DAB1: variants seen among roughly 807,000 people sequenced by gnomAD.
DAB1 encodes the protein DAB adaptor protein 1, also known as disabled homolog 1.
Under a neutral mutation model 64.6 loss-of-function variants are expected in DAB1, and 15 were observed. The observed-to-expected ratio is 0.23, with a 90% CI of 0.16 to 0.36. DAB1 has a LOEUF of 0.36. Ranked by LOEUF, DAB1 falls within the 10% of genes least tolerant of loss-of-function variation. DAB1 has a pLI of 1.00. For missense variants in DAB1, 596 were observed against 706.7 expected, an observed-to-expected ratio of 0.84 and a Z score of 1.78; for synonymous variants, 235 against 251.9, an observed-to-expected ratio of 0.93 and a Z score of 0.64.
chr1:57,982,021 C>T (rs888332039), intron 5 of DAB1, among the ~76,000 whole-genome samples: 4 of 152,190 alleles, frequency 2.6e-5, no homozygotes, highest in African/African-American at 9.7e-5. Context: ...TGGCAACAGA[C>T]TCTCAGTGAC....
At chr1:58,161,460 A>T (rs918120638) in intron 4 of DAB1, among the ~76,000 whole-genome samples, 1 of 152,204 alleles carries the variant, frequency 6.6e-6, no homozygotes, top group Non-Finnish European at 1.5e-5. Context: ...GGAAGAACAA[A>T]GTGTTTTACA....
chr1:57,562,623 T>A (rs868819803), intron 7 of DAB1, among the ~76,000 whole-genome samples: 8 of 152,300 alleles, frequency 5.3e-5, no homozygotes, highest in African/African-American at 1.7e-4. Flanking sequence ...ACAGCCAGGA[T>A]TCATGCGTCC....
rs186356070 is a variant in DAB1 at position 57,211,274 on chromosome 1, T to C, written c.68-65845A>G. ...GAGGAAACAGCTGTAGCCTCCCAAG[T>C]ACTAAACTGCTGCGGTCTGGTGGGA... On this transcript the variant is annotated intron_variant, in intron 2 of 14. Coordinates refer to ENST00000371236, the MANE Select transcript of DAB1 (RefSeq NM_001365792.1). Among the ~76,000 whole-genome samples, 46 of 152,302 alleles carry C rather than the reference T, an allele frequency of 3.0e-4. 1 individual carries two copies. The highest frequency in any genetic ancestry group is 9.4e-4 in the African/African-American group (39 of 41,574).
At chr1:58,018,921 G>C (rs925181377) in intron 5 of DAB1, among the ~76,000 whole-genome samples, 4 of 152,172 alleles carry the variant, frequency 2.6e-5, no homozygotes, top group Non-Finnish European at 5.9e-5. Context: ...GGAGCATTAA[G>C]GTGACATTTG....
rs566013762 is a variant in DAB1 at position 57,807,096 on chromosome 1, C to T, written n.551+76903G>A. ...TGCTCCCCAGACTATAGCACTAGCT[C>T]CTAACTGGCCTTTCTGCAACTGGCT... On this transcript the variant is annotated intron_variant and non_coding_transcript_variant, in intron 6 of 20. Coordinates refer to the DAB1 transcript ENST00000485760. Among the ~76,000 whole-genome samples the T allele has an allele frequency of 7.2e-5, 11 of 152,290 alleles. No individual in the cohort carries two copies. The South Asian group carries it at 2.3e-3, about 32-fold the overall frequency.
upstream of DAB1, among the ~76,000 whole-genome samples, chr1:57,425,518 T>G (rs1233271080): frequency 6.6e-6 from 1 of 152,152 alleles, no homozygotes; most frequent in African/African-American, 2.4e-5. Context: ...CAAGAGACCC[T>G]CCCTTTCTCC....
intron 5 of DAB1, among the ~76,000 whole-genome samples, chr1:57,911,501 A>G (rs1486831154): frequency 6.6e-6 from 1 of 151,920 alleles, no homozygotes; most frequent in East Asian, 1.9e-4. Context: ...CTCTTTGTTG[A>G]TCTCAGGCCT....
intron 6 of DAB1, among the ~76,000 whole-genome samples, chr1:57,764,234 C>T (rs770585410): frequency 3.3e-5 from 5 of 152,024 alleles, no homozygotes; most frequent in Non-Finnish European, 7.4e-5. Context: ...GTCTTAGCTG[C>T]CATTTGGTTG....
chr1:57,664,535 T>C (rs776272408), intron 6 of DAB1, among the ~76,000 whole-genome samples: 7 of 152,144 alleles, frequency 4.6e-5, no homozygotes, highest in Non-Finnish European at 8.8e-5. Context: ...ACTTAAGAAA[T>C]AGGTTTGAAG....
At chr1:58,375,296 A>G (rs912391016) in intron 3 of DAB1, among the ~76,000 whole-genome samples, 4 of 144,302 alleles carry the variant, frequency 2.8e-5, no homozygotes, top group Non-Finnish European at 4.5e-5. Context: ...TTGCCCATTC[A>G]GTATGATATT....
chr1:58,208,260 T>C (rs1201190512), intron 4 of DAB1, among the ~76,000 whole-genome samples: 1 of 152,186 alleles, frequency 6.6e-6, no homozygotes, highest in East Asian at 1.9e-4. Context: ...GGCTACATTT[T>C]AGAGTTAAAA....
At chr1:57,145,578 C>T in intron 2 of DAB1, 149 bp from the exon 3 acceptor site, 1 of 730,216 alleles carries the variant, frequency 1.4e-6, no homozygotes, top group Non-Finnish European at 2.2e-6. Context: ...AGCAGTATTC[C>T]TAAATGTAAA....
intron 7 of DAB1, among the ~76,000 whole-genome samples, chr1:57,567,716 A>C (rs1645140861): frequency 1.3e-5 from 2 of 152,152 alleles, no homozygotes; most frequent in South Asian, 4.1e-4. Flanking sequence ...ATCCAACTTA[A>C]AAAGGATGTG....
intron 5 of DAB1, among the ~76,000 whole-genome samples, chr1:58,039,808 G>A (rs1164755031): frequency 2.0e-5 from 3 of 151,974 alleles, no homozygotes; most frequent in African/African-American, 7.3e-5. Context: ...GATAATAAAA[G>A]TACCCATCTT....
intron 1 of DAB1, chr1:58,534,129 T>C (rs771784144): frequency 2.3e-6 from 2 of 867,168 alleles, no homozygotes; most frequent in South Asian, 1.3e-5. Context: ...AATTTAACAA[T>C]TACAATGCGT....
intron 7 of DAB1, among the ~76,000 whole-genome samples, chr1:57,505,822 C>T (rs1428055941): frequency 6.6e-6 from 1 of 152,078 alleles, no homozygotes; most frequent in African/African-American, 2.4e-5. Flanking sequence ...AGGTGCATGC[C>T]ACCACACCTG....
chr1:57,984,768 C>T (rs1017886598), intron 5 of DAB1, among the ~76,000 whole-genome samples: 1 of 152,194 alleles, frequency 6.6e-6, no homozygotes, highest in Admixed American at 6.5e-5. Context: ...CCCTCTCTCT[C>T]CTCTTCTGTT....
intron 7 of DAB1, among the ~76,000 whole-genome samples, chr1:57,531,613 C>CA: frequency 6.6e-6 from 1 of 152,042 alleles, no homozygotes; most frequent in East Asian, 1.9e-4. Context: ...GCTGAAGTGG[C>CA]ATGGTATGAA....
At chr1:57,791,303 A>G (rs969460387) in intron 6 of DAB1, among the ~76,000 whole-genome samples, 3 of 152,160 alleles carry the variant, frequency 2.0e-5, no homozygotes, top group Non-Finnish European at 4.4e-5. Context: ...GCTCTTTGAG[A>G]TACATACTAT....
Sources: gnomAD v4.1 joint callset for allele counts (sites outside exome capture counted in the v4.1 genomes callset) on GRCh38, gnomAD v4.1.1 for gene constraint, MANE v1.5 for transcripts, NCBI Gene and HGNC (gene_info 2026-07-23, HGNC 2026-07-21) for gene names.